CCDC125: variants seen among roughly 807,000 people sequenced by gnomAD.
The protein encoded by CCDC125 is coiled-coil domain containing 125.
In CCDC125, 43 loss-of-function variants were observed where a neutral mutation model predicts 57.4. That is an observed-to-expected ratio of 0.75 (90% CI 0.59 to 0.97). The LOEUF is 0.97. CCDC125 is among the 50% of genes least tolerant of loss of function. The probability of loss-of-function intolerance (pLI) is 0.00; values close to 1 mark genes in which losing one functional copy is unlikely to be tolerated. For synonymous variants in CCDC125, 187 were observed against 195.2 expected (o/e 0.96, Z 0.35); for missense variants, 563 against 595.7 (o/e 0.95, Z 0.57).
At chr5:69,318,923 G>A (rs1759576700) in intron 2 of CCDC125, among the ~76,000 whole-genome samples, 1 of 150,860 alleles carries the variant, frequency 6.6e-6, no homozygotes, top group South Asian at 2.1e-4. Context: ...CTGTTGATTT[G>A]CAGGGTTTTG....
Position 69,319,482 on chromosome 5 carries a change from C to CT in CCDC125, c.304+754dup, listed in dbSNP as rs1280719685. On this transcript the variant is annotated intron_variant, in intron 2 of 11. Coordinates refer to ENST00000396496, the MANE Select transcript of CCDC125 (RefSeq NM_176816.5). Reference sequence around the variant, plus strand: ...TATTTAGAAATATAAACATCGACTACTTTTTTTTTTTTTTTTTGAGATGGA... The same window carrying CT: ...TATTTAGAAATATAAACATCGACTACTTTTTTTTTTTTTTTTTTGAGATGGA... 0.018 allele frequency among the ~76,000 whole-genome samples: 2,486 copies of CT among 138,064 alleles called. 123 individuals carry two copies. In the East Asian group the frequency reaches 0.2, roughly 11 times the overall value. The allele number at this position is 138,064 out of a possible 152,430, so 90.6% of individuals were successfully genotyped here. A position where few individuals can be genotyped will look rare whatever the true frequency, so the allele number is the denominator to read the frequency against.
At chr5:69,303,968 A>G in intron 6 of CCDC125, 39 bp from the exon 7 acceptor site, 1 of 1,131,898 alleles carries the variant, frequency 8.8e-7, no homozygotes. Flanking sequence ...AAACATTAAT[A>G]TTTCCTTGCT....
intron 5 of CCDC125, 113 bp from the exon 6 acceptor site, chr5:69,307,015 G>GA (rs1225823030): frequency 1.7e-6 from 2 of 1,194,514 alleles, no homozygotes; most frequent in Admixed American, 3.6e-5. Context: ...GGTTTAAAGA[G>GA]AAAAAATTAA....
chr5:69,325,316 A>G (rs1242783678), intron 1 of CCDC125, among the ~76,000 whole-genome samples: 2 of 119,220 alleles, frequency 1.7e-5, no homozygotes, highest in Non-Finnish European at 1.7e-5. Context: ...ACAGAGTGAG[A>G]TTCTGTCTCA....
intron 7 of CCDC125, among the ~76,000 whole-genome samples, chr5:69,303,385 G>A (rs1057029643): frequency 3.5e-5 from 3 of 86,298 alleles, no homozygotes; most frequent in African/African-American, 1.5e-4. Flanking sequence ...TTTTTTTTGA[G>A]ATGGAGTCTC....
intron 1 of CCDC125, among the ~76,000 whole-genome samples, chr5:69,322,282 G>A (rs926264782): frequency 5.9e-5 from 9 of 152,040 alleles, no homozygotes; most frequent in Admixed American, 5.2e-4. Context: ...ACCACGTGGG[G>A]GTGGGGAGCA....
intron 6 of CCDC125, among the ~76,000 whole-genome samples, chr5:69,305,850 C>G (rs576186926): frequency 6.6e-6 from 1 of 152,140 alleles, no homozygotes; most frequent in Non-Finnish European, 1.5e-5. Flanking sequence ...CAAATATACT[C>G]TTTTGTCTTT....
chr5:69,320,516 TTGA>T lies in CCDC125; in HGVS notation c.22_24del (p.Ser9del). 4 of 1,611,482 alleles carry T rather than the reference TTGA, an allele frequency of 2.5e-6. No homozygotes were observed. Among genetic ancestry groups the T allele is most frequent in the South Asian group, 2.2e-5 (2 of 90,834 alleles). The stretch of plus-strand genomic sequence containing the variant: ...TCCCAGAGCTGCACGTCTGACTCAC[TTGA>T]TGATCTTGCCACCTTGCTCATGAGC... On this transcript the variant is annotated inframe_deletion, in exon 2 of 12. Coordinates refer to ENST00000396496, the MANE Select transcript of CCDC125 (RefSeq NM_176816.5).
intron 6 of CCDC125, among the ~76,000 whole-genome samples, chr5:69,306,405 T>A (rs916354421): frequency 6.6e-6 from 1 of 152,210 alleles, no homozygotes; most frequent in East Asian, 1.9e-4. Context: ...CATGGCTCAC[T>A]GCAGCCTCCA....
At chr5:69,297,020 A>C (rs570576435) in intron 8 of CCDC125, among the ~76,000 whole-genome samples, 19 of 152,306 alleles carry the variant, frequency 1.2e-4, no homozygotes, top group African/African-American at 4.6e-4. Flanking sequence ...TACCAATTTC[A>C]CAGGGGCAAT....
intron 4 of CCDC125, chr5:69,310,227 G>A (rs1484974202): frequency 6.6e-6 from 1 of 152,204 alleles, no homozygotes; most frequent in Admixed American, 6.5e-5. Context: ...GGAGTGGAAT[G>A]ATATGGTTTG....
chr5:69,292,217 C>T lies in CCDC125; in HGVS notation c.1070G>A (p.Trp357Ter). The T allele has an allele frequency of 6.2e-7, 1 of 1,613,228 alleles. No individual in the cohort carries two copies. Among genetic ancestry groups the T allele is most frequent in the South Asian group, 1.1e-5 (1 of 90,894 alleles). Residue 357 changes from tryptophan (W) to a stop codon, truncating the protein, a stop_gained, in exon 10 of 12, where the codon TGG becomes TAG. Coordinates refer to ENST00000396496, the MANE Select transcript of CCDC125 (RefSeq NM_176816.5). LOFTEE classifies it high-confidence loss of function. ...CTCTTTAAGGTGCTTCCAATTCATCCATTTTGTTGCTTTTTTATGCATTTT... is the reference window on the plus strand; with the variant it reads ...CTCTTTAAGGTGCTTCCAATTCATCTATTTTGTTGCTTTTTTATGCATTTT... ...MDKMHKKATK[W>*]MNWKHLKEDG... is the part of the protein sequence containing the mutation.
At chr5:69,290,620 CTTTTTTTTCTT>C (rs1407402152) in intron 10 of CCDC125, among the ~76,000 whole-genome samples, 2 of 122,402 alleles carry the variant, frequency 1.6e-5, no homozygotes, top group Non-Finnish European at 3.4e-5. Context: ...TTTTTTTTTT[CTTTTTTTTCTT>C]TTTTTTTTTT....
intron 1 of CCDC125, among the ~76,000 whole-genome samples, chr5:69,328,714 A>G (rs555086633): frequency 3.7e-4 from 57 of 152,280 alleles, no homozygotes; most frequent in African/African-American, 1.2e-3. Context: ...TACAAAATCT[A>G]AGAATATCTA....
At chr5:69,284,588 GA>G (rs1753009133) in intron 11 of CCDC125, among the ~76,000 whole-genome samples, 1 of 152,124 alleles carries the variant, frequency 6.6e-6, no homozygotes, top group South Asian at 2.1e-4. Flanking sequence ...TGAATGACGA[GA>G]AAAGATGAGC....
At chr5:69,318,144 G>A (rs1325246996) in intron 2 of CCDC125, among the ~76,000 whole-genome samples, 1 of 151,640 alleles carries the variant, frequency 6.6e-6, no homozygotes, top group East Asian at 2.0e-4. Context: ...ACCATGCCTG[G>A]CTAATTTTTG....
intron 10 of CCDC125, among the ~76,000 whole-genome samples, chr5:69,290,872 CA>C (rs751826358): frequency 2.9e-4 from 44 of 151,406 alleles, no homozygotes; most frequent in Admixed American, 2.0e-3. Flanking sequence ...TCAAATGATC[CA>C]CCCACCTCGG....
downstream of CCDC125, chr5:69,277,437 T>C (rs1361496482): frequency 3.3e-5 from 8 of 240,026 alleles, no homozygotes; most frequent in Non-Finnish European, 6.4e-5. Flanking sequence ...CTGACCCATA[T>C]AGTATCACAA....
intron 2 of CCDC125, among the ~76,000 whole-genome samples, chr5:69,316,248 T>C (rs1387638144): frequency 2.0e-5 from 3 of 152,182 alleles, no homozygotes; most frequent in African/African-American, 7.2e-5. Flanking sequence ...TGTGAACACA[T>C]GGCAAAAGGA....
Sources: gnomAD v4.1 joint callset for allele counts (sites outside exome capture counted in the v4.1 genomes callset) on GRCh38, gnomAD v4.1.1 for gene constraint, MANE v1.5 for transcripts, NCBI Gene and HGNC (gene_info 2026-07-23, HGNC 2026-07-21) for gene names.